Variants in GCNA observed in about 807,000 individuals in gnomAD.
GCNA encodes germ cell nuclear acidic protein.
In GCNA, 3 loss-of-function variants were observed where a neutral mutation model predicts 38.8. The ratio of observed to expected loss-of-function variants is 0.08; its 90% CI spans 0.04 to 0.20. The LOEUF is 0.20. GCNA is among the 10% of genes least tolerant of loss of function. The pLI is 1.00. For missense variants in GCNA, 446 were observed against 578.6 expected, an observed-to-expected ratio of 0.77 and a Z score of 2.35; for synonymous variants, 195 against 240.2, an observed-to-expected ratio of 0.81 and a Z score of 1.74.
chrX:71,580,311 G>T (rs2040536589), intron 1 of GCNA: 1 of 109,801 alleles, frequency 9.1e-6, no homozygotes, highest in Admixed American at 9.7e-5. Context: ...GCCTGAGTGG[G>T]AAAAGTTTGC....
At chrX:71,599,509 G>C (rs969565842) in intron 7 of GCNA, among the ~76,000 whole-genome samples, 2 of 112,035 alleles carry the variant, frequency 1.8e-5, no homozygotes, top group Admixed American at 9.5e-5. Flanking sequence ...AGAAGAGACC[G>C]ATTCTTTTGA....
chrX:71,592,795 T>C (rs1261284776), intron 4 of GCNA, among the ~76,000 whole-genome samples: 2 of 109,776 alleles, frequency 1.8e-5, no homozygotes, highest in Non-Finnish European at 3.8e-5. Context: ...GTTTCTTCTT[T>C]GAGGTATCTC....
rs753426565 is a variant in GCNA, at chrX:71,612,343, T to A, written c.1751-12T>A. 131 of 1,148,446 alleles carry A rather than the reference T, an allele frequency of 1.1e-4. No individual in the cohort carries two copies. Among genetic ancestry groups the A allele is most frequent in the Non-Finnish European group, 1.5e-4 (125 of 850,722 alleles). 94.6% of individuals were successfully genotyped at this position (1,148,446 alleles called of 1,213,427 possible). ...TTTTAGTGCTCACATTTCTTTTCAT[T>A]CTTCTTTCAAGACCGAATCCGGGAT... On this transcript the variant is annotated splice_polypyrimidine_tract_variant and intron_variant, in intron 11 of 12. Coordinates refer to ENST00000373696, the MANE Select transcript of GCNA (RefSeq NM_052957.5).
At chrX:71,612,696 T>C (rs2040821925) in intron 12 of GCNA, 137 bp downstream of exon 12, 2 of 913,365 alleles carry the variant, frequency 2.2e-6, no homozygotes, top group Non-Finnish European at 3.0e-6. Flanking sequence ...TCTTTCTCCT[T>C]TCTCTTCCGT....
rs756227404 is a variant in GCNA at position 71,582,154 on chromosome X, T to C, written c.59+1274T>C. 2.3e-3 allele frequency among the ~76,000 whole-genome samples: 241 copies of C among 105,982 alleles called. 1 individual carries two copies. Among genetic ancestry groups the C allele is most frequent in the Non-Finnish European group, 3.8e-3 (198 of 51,806 alleles). 92.0% of individuals were successfully genotyped at this position (105,982 alleles called of 115,157 possible). ...CTGGGCACGGCGGCTGCACCTATAG[T>C]CCCAGCTACTCGGGAGGTTCAGGTG... is the stretch of plus-strand genomic sequence containing the variant. On this transcript the variant is annotated intron_variant, in intron 2 of 12. Transcript: ENST00000373696.
Position 71,603,956 on chromosome X carries a change from G to A in GCNA, c.679G>A (p.Asp227Asn), listed in dbSNP as rs778558271. The A allele has an allele frequency of 8.3e-7, 1 of 1,208,737 alleles. No individual in the cohort carries two copies. Among genetic ancestry groups the A allele is most frequent in the African/African-American group, 1.8e-5 (1 of 56,764 alleles). ...DKSDDSDVPDDSSDDSDVPDD... is the reference protein window; with the variant it reads ...DKSDDSDVPDNSSDDSDVPDD... ...GAGTGATGATTCGGATGTTCCCGAC[G>A]ACAGCAGTGATGATTCGGATGTTCC... Residue 227 changes from aspartate (D) to asparagine (N), a missense_variant, in exon 8 of 13, where the codon GAC (aspartate) becomes AAC (asparagine). Around this residue, in one of 7 missense-constraint regions of GCNA, gnomAD observed 28 missense variants for 77.0 expected, o/e 0.36. Coordinates refer to ENST00000373696, the MANE Select transcript of GCNA (RefSeq NM_052957.5).
At chrX:71,585,915 ATACT>A (rs1304005433) in intron 2 of GCNA, among the ~76,000 whole-genome samples, 2 of 108,538 alleles carry the variant, frequency 1.8e-5, no homozygotes, top group African/African-American at 6.7e-5. Flanking sequence ...CATTTAAAAA[ATACT>A]TATTGAATCC....
At chrX:71,583,716 G>A (rs1157076688) in intron 2 of GCNA, among the ~76,000 whole-genome samples, 1 of 22,923 alleles carries the variant, frequency 4.4e-5, no homozygotes, top group Admixed American at 5.3e-4. Context: ...TTTTTTTTTT[G>A]AGACAGAGCC....
At chrX:71,580,621 C>A in intron 1 of GCNA, 199 bp from the exon 2 acceptor site, 1 of 330,310 alleles carries the variant, frequency 3.0e-6, no homozygotes, top group South Asian at 6.0e-5. Context: ...ACTACAGGCG[C>A]CCGCCACCAC....
intron 7 of GCNA, among the ~76,000 whole-genome samples, chrX:71,598,840 G>A (rs1273421385): frequency 9.0e-6 from 1 of 110,753 alleles, no homozygotes; most frequent in Admixed American, 9.6e-5. Flanking sequence ...CACCCTTAAA[G>A]CACCAACTAC....
At chrX:71,578,953 G>C (rs2040523114) in intron 1 of GCNA, among the ~76,000 whole-genome samples, 1 of 107,897 alleles carries the variant, frequency 9.3e-6, no homozygotes, top group Non-Finnish European at 1.9e-5. Context: ...GGGGGAAGTG[G>C]GGGTGCCTGT....
At chrX:71,602,937 A>G (rs1394817078) in intron 7 of GCNA, among the ~76,000 whole-genome samples, 1 of 112,295 alleles carries the variant, frequency 8.9e-6, no homozygotes, top group Admixed American at 9.4e-5. Context: ...TCTTTAATCC[A>G]TTTTGATTTG....
At chrX:71,596,604 G>A (rs1415150684) in intron 6 of GCNA, among the ~76,000 whole-genome samples, 1 of 112,290 alleles carries the variant, frequency 8.9e-6, no homozygotes, top group Non-Finnish European at 1.9e-5. Flanking sequence ...CTGCTAGATA[G>A]ATGGTGAACA....
chrX:71,584,249 T>A (rs2147709283), intron 2 of GCNA, among the ~76,000 whole-genome samples: 1 of 111,103 alleles, frequency 9.0e-6, no homozygotes, highest in South Asian at 3.8e-4. Context: ...TTGTAGTATT[T>A]AATTTTTTTT....
At chrX:71,603,528 C>T in intron 7 of GCNA, 60 bp from the exon 8 acceptor site, 1 of 1,150,325 alleles carries the variant, frequency 8.7e-7, no homozygotes, top group South Asian at 2.1e-5. Flanking sequence ...TGAAATTTAG[C>T]ATATAAAGGA....
At chrX:71,601,637 T>C (rs1325042483) in intron 7 of GCNA, among the ~76,000 whole-genome samples, 1 of 110,140 alleles carries the variant, frequency 9.1e-6, no homozygotes, top group East Asian at 2.9e-4. Context: ...CTCTGCCTAC[T>C]GGGTTCAAGC....
At chrX:71,580,793 A>G (rs753694751) in intron 1 of GCNA, 27 bp from the exon 2 acceptor site, 1 of 1,186,006 alleles carries the variant, frequency 8.4e-7, no homozygotes, top group South Asian at 1.9e-5. Flanking sequence ...CTTTCTTAAG[A>G]AAGTGTATCT....
Position 71,604,648 on chromosome X carries a change from G to T in GCNA, c.1371G>T (p.Ala457=), listed in dbSNP as rs754270821. ...TGGAGCCACTGAGGAAGAGGAAGGCGAAAACCAAAAATGTATCTGTGACAC... is the reference window on the plus strand; with the variant it reads ...TGGAGCCACTGAGGAAGAGGAAGGCTAAAACCAAAAATGTATCTGTGACAC... ...NIVEPLRKRK[A]KTKNVSVTPG... Residue 457 remains alanine (A), a synonymous_variant, in exon 8 of 13, where the codon GCG becomes GCT. Coordinates refer to ENST00000373696, the MANE Select transcript of GCNA (RefSeq NM_052957.5). 1 of 1,206,067 alleles carries T rather than the reference G, an allele frequency of 8.3e-7. No individual in the cohort carries two copies. The highest frequency in any genetic ancestry group is 1.8e-5 in the African/African-American group (1 of 57,056).
intron 2 of GCNA, among the ~76,000 whole-genome samples, chrX:71,584,086 G>A (rs2040566913): frequency 9.1e-6 from 1 of 110,161 alleles, no homozygotes. Flanking sequence ...GGCCTCAAGT[G>A]ATCCACCCGC....
Sources: allele counts gnomAD v4.1 joint callset (sites outside exome capture counted in the v4.1 genomes callset), GRCh38; gene constraint gnomAD v4.1.1; regional missense constraint gnomAD v4.1.1; transcripts MANE v1.5; gene names NCBI Gene and HGNC (gene_info 2026-07-23, HGNC 2026-07-21).